The following ITGA6 variants were observed in gnomAD, a reference collection of about 807,000 sequenced individuals.
ITGA6 encodes the protein integrin alpha-6.
In ITGA6, 63 loss-of-function variants were observed where a neutral mutation model predicts 133.6. The ratio of observed to expected loss-of-function variants is 0.47; its 90% CI spans 0.38 to 0.58. The LOEUF is 0.58. Ranked by LOEUF, ITGA6 falls within the 20% of genes least tolerant of loss-of-function variation. The probability of loss-of-function intolerance (pLI) is 0.00; values close to 1 mark genes in which losing one functional copy is unlikely to be tolerated. For synonymous variants in ITGA6, 434 were observed against 482.0 expected, an observed-to-expected ratio of 0.90 and a Z score of 1.30; for missense variants, 1,068 against 1,309.4, an observed-to-expected ratio of 0.82 and a Z score of 2.85.
At chr2:172,450,876 T>TA (rs1684961510) in intron 1 of ITGA6, among the ~76,000 whole-genome samples, 1 of 146,102 alleles carries the variant, frequency 6.8e-6, no homozygotes, top group African/African-American at 2.5e-5. Flanking sequence ...TACAAATATA[T>TA]TTATATATTT....
intron 1 of ITGA6, among the ~76,000 whole-genome samples, chr2:172,452,654 G>T (rs951738051): frequency 2.0e-5 from 3 of 152,202 alleles, no homozygotes; most frequent in Non-Finnish European, 2.9e-5. Context: ...TGCTAGTGCT[G>T]TTAGTTCTGC....
intron 1 of ITGA6, among the ~76,000 whole-genome samples, chr2:172,440,886 G>A (rs1684509300): frequency 6.6e-6 from 1 of 152,324 alleles, no homozygotes; most frequent in African/African-American, 2.4e-5. Flanking sequence ...AGTGGTTTCA[G>A]TTGCATTCTG....
chr2:172,477,912 TAAAC>T (rs1319341685), intron 9 of ITGA6, among the ~76,000 whole-genome samples: 1 of 152,206 alleles, frequency 6.6e-6, no homozygotes, highest in East Asian at 1.9e-4. Flanking sequence ...AGTTAGTAAA[TAAAC>T]ACCAATTTTA....
At chr2:172,459,693 C>G (rs1423578466) in intron 1 of ITGA6, among the ~76,000 whole-genome samples, 1 of 152,178 alleles carries the variant, frequency 6.6e-6, no homozygotes, top group Non-Finnish European at 1.5e-5. Flanking sequence ...GAGTCACACT[C>G]AGTTTACCTG....
At chr2:172,458,118 T>G (rs1685288209) in intron 1 of ITGA6, among the ~76,000 whole-genome samples, 1 of 152,130 alleles carries the variant, frequency 6.6e-6, no homozygotes, top group Non-Finnish European at 1.5e-5. Flanking sequence ...CTGCTGGCAC[T>G]TAACACCCTG....
At chr2:172,433,800 T>C (rs1684206718) in intron 1 of ITGA6, among the ~76,000 whole-genome samples, 1 of 152,242 alleles carries the variant, frequency 6.6e-6, no homozygotes, top group Non-Finnish European at 1.5e-5. Context: ...AGAAGAGCCA[T>C]GCCTTCTACT....
Position 172,504,272 on chromosome 2 carries a change from A to AG in ITGA6, c.*205dup, listed in dbSNP as rs1559161750. ...TCATAGCGGGGGCCTAAAAAAAAAA[A>AG]GCTTCACAGTACCCAAACTGCTTTT... On this transcript the variant is annotated 3_prime_UTR_variant, in exon 26 of 26. Transcript: ENST00000684293. The AG allele has an allele frequency of 2.0e-6, 3 of 1,504,646 alleles. No individual in the cohort carries two copies. Among genetic ancestry groups the AG allele is most frequent in the Non-Finnish European group, 2.7e-6 (3 of 1,122,700 alleles). The allele number at this position is 1,504,646 out of a possible 1,614,324, so 93.2% of individuals were successfully genotyped here.
chr2:172,461,148 A>G (rs35288169), intron 1 of ITGA6, among the ~76,000 whole-genome samples: 33,899 of 152,142 alleles, frequency 0.22, 4,023 homozygotes, highest in East Asian at 0.29. Context: ...AGCTCTGATT[A>G]GACTCCAAAG....
chr2:172,497,370 C>T (rs192597712), intron 23 of ITGA6, among the ~76,000 whole-genome samples: 6 of 151,984 alleles, frequency 3.9e-5, no homozygotes, highest in African/African-American at 4.8e-5. Context: ...TGGTGGCATG[C>T]GCCTGTAGTC....
chr2:172,463,951 G>C (rs1230394523), intron 1 of ITGA6, among the ~76,000 whole-genome samples: 1 of 152,208 alleles, frequency 6.6e-6, no homozygotes. Context: ...CCTTGCCTCT[G>C]TCCTCTGTCA....
At chr2:172,472,672 G>A in intron 5 of ITGA6, 1 of 739,482 alleles carries the variant, frequency 1.4e-6, no homozygotes, top group Non-Finnish European at 2.4e-6. Flanking sequence ...GCCGGATGCA[G>A]TGGTGGCCTC....
chr2:172,485,289 G>GCCAAAGT, intron 13 of ITGA6, 25 bp downstream of exon 13: 1 of 1,612,084 alleles, frequency 6.2e-7, no homozygotes. Flanking sequence ...CTTTCATTTT[G>GCCAAAGT]CCAAAGTTTT....
At chr2:172,460,021 T>C (rs1327145363) in intron 1 of ITGA6, among the ~76,000 whole-genome samples, 2 of 152,198 alleles carry the variant, frequency 1.3e-5, no homozygotes, top group Non-Finnish European at 2.9e-5. Flanking sequence ...GCAAGAGTCA[T>C]GGTCCAAATG....
At chr2:172,451,795 C>T (rs16860412) in intron 1 of ITGA6, among the ~76,000 whole-genome samples, 5,707 of 151,942 alleles carry the variant, frequency 0.038, 240 homozygotes, top group African/African-American at 0.1. Context: ...CTGTCGTGAT[C>T]GACCCTTATG....
chr2:172,502,624 C>CA (rs1307678380), intron 25 of ITGA6, among the ~76,000 whole-genome samples: 2 of 152,122 alleles, frequency 1.3e-5, no homozygotes, highest in African/African-American at 4.8e-5. Flanking sequence ...AATTCTAGTA[C>CA]AAAAAATACC....
intron 1 of ITGA6, among the ~76,000 whole-genome samples, chr2:172,455,868 G>A (rs777378977): frequency 6.6e-6 from 1 of 152,188 alleles, no homozygotes; most frequent in African/African-American, 2.4e-5. Context: ...CCTGATATGA[G>A]GTGTTAGTCT....
chr2:172,501,612 A>T (rs1687350427), intron 24 of ITGA6, among the ~76,000 whole-genome samples, 160 bp from the exon 25 acceptor site: 1 of 152,218 alleles, frequency 6.6e-6, no homozygotes, highest in African/African-American at 2.4e-5. Flanking sequence ...ATTGAATATG[A>T]CAATGAAACA....
intron 9 of ITGA6, among the ~76,000 whole-genome samples, chr2:172,479,194 A>G (rs1378734675): frequency 6.6e-6 from 1 of 152,228 alleles, no homozygotes; most frequent in African/African-American, 2.4e-5. Flanking sequence ...ATCTATGTGT[A>G]TATACAGGAC....
At position 172,504,236 on chromosome 2, in the gene ITGA6, A is replaced by G. The variant is rs1355132115; in HGVS notation, c.*168A>G. The stretch of plus-strand genomic sequence containing the variant: ...CAGTGGATCACAAAGTGGAACGAAA[A>G]TGAAAGCTACTCATAGCGGGGGCCT... On this transcript the variant is annotated 3_prime_UTR_variant, in exon 26 of 26. Coordinates refer to ENST00000684293, the MANE Select transcript of ITGA6 (RefSeq NM_000210.4). 1 of 1,580,492 alleles carries G rather than the reference A, an allele frequency of 6.3e-7. No individual in the cohort carries two copies. Among genetic ancestry groups the G allele is most frequent in the Non-Finnish European group, 8.6e-7 (1 of 1,163,178 alleles).
Sources: allele counts gnomAD v4.1 joint callset (sites outside exome capture counted in the v4.1 genomes callset), GRCh38; gene constraint gnomAD v4.1.1; transcripts MANE v1.5; gene names NCBI Gene and HGNC (gene_info 2026-07-23, HGNC 2026-07-21).